The following RBFOX1 variants were observed in gnomAD, a reference collection of about 807,000 sequenced individuals.
RBFOX1 encodes the protein RNA binding protein fox-1 homolog 1.
Under a neutral mutation model 57.7 loss-of-function variants are expected in RBFOX1, and 8 were observed. That is an observed-to-expected ratio of 0.14 (90% CI 0.08 to 0.25). The LOEUF (loss-of-function observed/expected upper bound fraction) is 0.25, where lower values mean the gene tolerates loss of function less well. RBFOX1 is among the 10% of genes least tolerant of loss of function. RBFOX1 has a pLI of 1.00. For missense variants in RBFOX1, 611 were observed against 548.5 expected (o/e 1.11, Z -1.14); for synonymous variants, 326 against 222.4 (o/e 1.47, Z -4.15).
intron 2 of RBFOX1, among the ~76,000 whole-genome samples, chr16:5,566,814 A>G (rs1298543129): frequency 6.6e-6 from 1 of 152,112 alleles, no homozygotes; most frequent in African/African-American, 2.4e-5. Flanking sequence ...CAATTCACCT[A>G]CAGACACACC....
At chr16:7,366,646 C>CTT (rs35391383) in intron 4 of RBFOX1, among the ~76,000 whole-genome samples, 2 of 146,354 alleles carry the variant, frequency 1.4e-5, no homozygotes, top group African/African-American at 2.5e-5. Flanking sequence ...TGATAGTTTT[C>CTT]TTTTTTTTTT....
chr16:5,957,253 T>G (rs902084718), intron 4 of RBFOX1, among the ~76,000 whole-genome samples: 5 of 151,892 alleles, frequency 3.3e-5, no homozygotes, highest in African/African-American at 9.7e-5. Context: ...CTTGGTCTGT[T>G]GCCCAGGCTG....
chr16:6,671,927 T>G (rs976762632), intron 3 of RBFOX1, among the ~76,000 whole-genome samples: 1 of 152,232 alleles, frequency 6.6e-6, no homozygotes, highest in Non-Finnish European at 1.5e-5. Context: ...TTAAAAACTG[T>G]TGCGACTACT....
intron 4 of RBFOX1, among the ~76,000 whole-genome samples, chr16:7,312,820 G>C (rs966630529): frequency 6.6e-6 from 1 of 152,112 alleles, no homozygotes; most frequent in Admixed American, 6.5e-5. Context: ...TTGGGCACAC[G>C]TTGAAGTTTA....
chr16:6,143,126 G>T (rs1448063818), intron 1 of RBFOX1, among the ~76,000 whole-genome samples: 1 of 152,152 alleles, frequency 6.6e-6, no homozygotes, highest in African/African-American at 2.4e-5. Context: ...TTCTGTGTCT[G>T]GGCCACACTT....
intron 2 of RBFOX1, among the ~76,000 whole-genome samples, chr16:6,407,665 A>C (rs966922302): frequency 6.6e-6 from 1 of 152,006 alleles, no homozygotes; most frequent in African/African-American, 2.4e-5. Flanking sequence ...TATAGTTCCC[A>C]GGAGAGACTT....
intron 3 of RBFOX1, among the ~76,000 whole-genome samples, chr16:5,738,917 C>G (rs1315181236): frequency 6.6e-6 from 1 of 152,156 alleles, no homozygotes; most frequent in Non-Finnish European, 1.5e-5. Flanking sequence ...TGGATGAACT[C>G]AAAGCAAAAT....
chr16:7,064,282 C>A (rs1027990693), intron 4 of RBFOX1, among the ~76,000 whole-genome samples: 14 of 150,860 alleles, frequency 9.3e-5, no homozygotes, highest in African/African-American at 2.4e-4. Flanking sequence ...AATTGTCTTG[C>A]CTCAGCCTCC....
chr16:7,104,402 C>T (rs141625208), intron 4 of RBFOX1, among the ~76,000 whole-genome samples: 3 of 152,014 alleles, frequency 2.0e-5, no homozygotes, highest in African/African-American at 7.2e-5. Flanking sequence ...GACAGTATGC[C>T]CCTCTGATTA....
At chr16:5,250,585 A>T (rs58339509) in intron 1 of RBFOX1, among the ~76,000 whole-genome samples, 2 of 152,082 alleles carry the variant, frequency 1.3e-5, no homozygotes, top group East Asian at 1.9e-4. Flanking sequence ...GTATTTGCAC[A>T]TAAGTGCTTA....
At chr16:7,206,671 C>A (rs1192148971) in intron 4 of RBFOX1, among the ~76,000 whole-genome samples, 2 of 151,948 alleles carry the variant, frequency 1.3e-5, no homozygotes, top group Admixed American at 1.3e-4. Flanking sequence ...AAAAGGTGAT[C>A]CTGAAGTCCT....
At chr16:7,645,663 G>C (rs552960515) in intron 11 of RBFOX1, among the ~76,000 whole-genome samples, 14 of 152,202 alleles carry the variant, frequency 9.2e-5, no homozygotes, top group Non-Finnish European at 1.3e-4. Flanking sequence ...ATGGTGATTA[G>C]ACTTGTACAT....
chr16:6,391,464 C>A (rs1348649719), intron 2 of RBFOX1, among the ~76,000 whole-genome samples: 1 of 149,768 alleles, frequency 6.7e-6, no homozygotes, highest in Non-Finnish European at 1.5e-5. Context: ...GAGCCGAGAT[C>A]GCACCACTGC....
intron 1 of RBFOX1, among the ~76,000 whole-genome samples, chr16:5,245,543 C>G (rs768482909): frequency 1.6e-4 from 24 of 152,168 alleles, no homozygotes; most frequent in South Asian, 6.2e-4. Context: ...CTCCCAGGTT[C>G]AAGGGATTCT....
chr16:7,002,681 C>T (rs1450904437), intron 3 of RBFOX1, among the ~76,000 whole-genome samples: 1 of 152,206 alleles, frequency 6.6e-6, no homozygotes, highest in African/African-American at 2.4e-5. Flanking sequence ...CACTGCACTC[C>T]AGCCTGGTGA....
intron 2 of RBFOX1, among the ~76,000 whole-genome samples, chr16:6,402,674 C>G (rs1423713243): frequency 6.6e-6 from 1 of 152,142 alleles, no homozygotes; most frequent in East Asian, 1.9e-4. Context: ...ACACACAGGC[C>G]TTAATGATGA....
intron 4 of RBFOX1, among the ~76,000 whole-genome samples, chr16:7,494,866 A>C (rs1191216340): frequency 4.8e-5 from 5 of 103,376 alleles, no homozygotes; most frequent in Non-Finnish European, 6.0e-5. Context: ...TAAAATCTTC[A>C]TTCTTTATTT....
intron 1 of RBFOX1, among the ~76,000 whole-genome samples, chr16:5,284,884 C>T (rs1430199357): frequency 6.9e-6 from 1 of 144,698 alleles, no homozygotes; most frequent in Non-Finnish European, 1.5e-5. Context: ...TTTTCTCTTG[C>T]TGTTTTTAGA....
At chr16:6,922,444 C>T (rs986981567) in intron 3 of RBFOX1, among the ~76,000 whole-genome samples, 1 of 152,168 alleles carries the variant, frequency 6.6e-6, no homozygotes, top group Non-Finnish European at 1.5e-5. Flanking sequence ...TCCAGGCTGT[C>T]TTGCCTCTTC....
Sources: allele counts gnomAD v4.1 joint callset (sites outside exome capture counted in the v4.1 genomes callset), GRCh38; gene constraint gnomAD v4.1.1; transcripts MANE v1.5; gene names NCBI Gene and HGNC (gene_info 2026-07-23, HGNC 2026-07-21).